The following TUB variants were observed in gnomAD, a reference collection of about 807,000 sequenced individuals.
The protein encoded by TUB is tubby protein homolog.
TUB carries 33 observed loss-of-function variants against 59.7 expected under a neutral mutation model. That is an observed-to-expected ratio of 0.55 (90% CI 0.42 to 0.74). The LOEUF (loss-of-function observed/expected upper bound fraction) is 0.74. TUB is among the 30% of genes least tolerant of loss of function. The probability of loss-of-function intolerance (pLI) is 0.00; values close to 1 mark genes in which losing one functional copy is unlikely to be tolerated. For missense variants in TUB, 659 were observed against 672.0 expected (o/e 0.98, Z 0.21); for synonymous variants, 293 against 256.4 (o/e 1.14, Z -1.36).
chr11:8,081,016 T>A (rs1276672881), upstream of TUB, among the ~76,000 whole-genome samples: 1 of 152,080 alleles, frequency 6.6e-6, no homozygotes, highest in Non-Finnish European at 1.5e-5. Flanking sequence ...GCCTGGGGAC[T>A]GGCCCGGCTG....
upstream of TUB, among the ~76,000 whole-genome samples, chr11:8,078,247 G>A (rs77025555): frequency 0.02 from 3,039 of 152,084 alleles, 41 homozygotes; most frequent in South Asian, 0.082. Context: ...TCATCACCAC[G>A]TTTGAAAATG....
intron 1 of TUB, among the ~76,000 whole-genome samples, chr11:8,086,811 G>C (rs1943677552): frequency 6.6e-6 from 1 of 152,160 alleles, no homozygotes; most frequent in Admixed American, 6.5e-5. Flanking sequence ...GAGGTGGTAG[G>C]TGGCTCTCTA....
intron 1 of TUB, among the ~76,000 whole-genome samples, chr11:8,083,714 T>G (rs888146282): frequency 6.6e-6 from 1 of 151,826 alleles, no homozygotes; most frequent in Admixed American, 6.6e-5. Flanking sequence ...AACACCCTTA[T>G]AGCCCTGCAC....
chr11:8,082,238 A>G (rs762117159), intron 1 of TUB, among the ~76,000 whole-genome samples: 1 of 152,228 alleles, frequency 6.6e-6, no homozygotes, highest in Admixed American at 6.5e-5. Flanking sequence ...CTCACAGTAC[A>G]TAGAACTGCC....
At chr11:8,055,445 C>G (rs960754976) in intron 2 of TUB, among the ~76,000 whole-genome samples, 19 of 152,216 alleles carry the variant, frequency 1.2e-4, no homozygotes, top group African/African-American at 3.9e-4. Flanking sequence ...CTGGGACCAC[C>G]TAGACAGATG....
At chr11:8,081,819 G>A (rs1943571453) in intron 1 of TUB, among the ~76,000 whole-genome samples, 1 of 152,190 alleles carries the variant, frequency 6.6e-6, no homozygotes, top group South Asian at 2.1e-4. Context: ...GGCCGCCTGG[G>A]GAAGGAGTCC....
intron 2 of TUB, among the ~76,000 whole-genome samples, chr11:8,045,285 A>G (rs1006677821): frequency 1.3e-5 from 2 of 152,144 alleles, no homozygotes; most frequent in Admixed American, 1.3e-4. Context: ...AAGAATTTCC[A>G]AGGGTTTTAG....
In TUB at chr11:8,090,161, C is replaced by T. The variant is rs372714469; in HGVS notation, c.183C>T (p.Ala61=). Residue 61 remains alanine (A), a synonymous_variant, in exon 3 of 12, where the codon GCC becomes GCT. Coordinates refer to ENST00000299506, the MANE Select transcript of TUB (RefSeq NM_177972.3). The part of the protein sequence containing the change: ...NADGRPRSRR[A]RQSEEQAPLV... ...ATGGGCGGCCCCGGAGCCGGCGGGC[C>T]CGGCAGTCAGAGGAACAAGCCCCCC... The T allele has an allele frequency of 5.6e-6, 9 of 1,613,494 alleles. No homozygotes were observed. The highest frequency in any genetic ancestry group is 1.1e-5 in the South Asian group (1 of 91,082).
In TUB at chr11:8,039,075, G is replaced by A. The variant is rs368783671; in HGVS notation, c.155+47G>A. On this transcript the variant is annotated intron_variant, in intron 1 of 12. Transcript: ENST00000305253. ...TTTAGCCCATGGGCCCAACCATTGC[G>A]TCAGCTCCACCCACCCACCCTCACT... 65 of 1,595,866 alleles carry A rather than the reference G, an allele frequency of 4.1e-5. No homozygotes were observed. In the East Asian group the frequency reaches 7.8e-4, roughly 19 times the overall value.
intron 1 of TUB, among the ~76,000 whole-genome samples, chr11:8,024,543 ATCT>A (rs1942475130): frequency 6.6e-6 from 1 of 152,096 alleles, no homozygotes; most frequent in Non-Finnish European, 1.5e-5. Flanking sequence ...ATCAGGCATC[ATCT>A]TCTGTCACGT....
intron 2 of TUB, among the ~76,000 whole-genome samples, chr11:8,054,831 C>A (rs1223224689): frequency 5.9e-5 from 9 of 152,228 alleles, no homozygotes; most frequent in Non-Finnish European, 1.3e-4. Flanking sequence ...CATGGCACAT[C>A]TGGCTAAAGG....
upstream of TUB, chr11:8,038,504 G>A: frequency 1.6e-6 from 1 of 632,818 alleles, no homozygotes; most frequent in Admixed American, 5.6e-5. Context: ...TCCAGATGGG[G>A]CCTTTGTCCG....
chr11:8,079,783 G>C (rs1943510978), upstream of TUB, among the ~76,000 whole-genome samples: 1 of 152,060 alleles, frequency 6.6e-6, no homozygotes, highest in South Asian at 2.1e-4. Flanking sequence ...TGTAGACCCA[G>C]ACCTTTTGTG....
chr11:8,090,587 G>C (rs902210314), intron 3 of TUB, among the ~76,000 whole-genome samples: 3 of 152,210 alleles, frequency 2.0e-5, no homozygotes, highest in Admixed American at 2.0e-4. Context: ...CATTCTGAGA[G>C]GAATCCGTCT....
At chr11:8,038,949 A>G in exon 1 of TUB, 3 of 1,613,678 alleles carry the variant, frequency 1.9e-6, no homozygotes, top group Non-Finnish European at 2.5e-6. Flanking sequence ...CCCAGGAGGC[A>G]CTCCCTGGCC....
intron 1 of TUB, among the ~76,000 whole-genome samples, chr11:8,020,759 C>T (rs1411195053): frequency 1.3e-5 from 2 of 152,164 alleles, no homozygotes; most frequent in Admixed American, 6.5e-5. Flanking sequence ...GTGCTCTCCA[C>T]GGAGAAGAAC....
intron 2 of TUB, among the ~76,000 whole-genome samples, chr11:8,045,904 G>A (rs2141322): frequency 0.74 from 111,817 of 151,862 alleles, 42,224 homozygotes; most frequent in East Asian, 0.97. Flanking sequence ...TCGGACTGGT[G>A]GGAACACAGA....
At chr11:8,096,531 G>T (rs1262930736) in intron 5 of TUB, among the ~76,000 whole-genome samples, 154 bp from the exon 6 acceptor site, 1 of 152,196 alleles carries the variant, frequency 6.6e-6, no homozygotes, top group East Asian at 1.9e-4. Flanking sequence ...GTGTGAATGG[G>T]AGTCTATATG....
In TUB at chr11:8,090,154, G is replaced by A. The variant is rs544601452; in HGVS notation, c.176G>A (p.Arg59Gln). ...QANADGRPRS[R>Q]RARQSEEQAP... Reference sequence around the variant, plus strand: ...AATGCAGATGGGCGGCCCCGGAGCCGGCGGGCCCGGCAGTCAGAGGAACAA... The same window carrying A: ...AATGCAGATGGGCGGCCCCGGAGCCAGCGGGCCCGGCAGTCAGAGGAACAA... Residue 59 changes from arginine to glutamine, a missense_variant, in exon 3 of 12, where the codon CGG becomes CAG. Arg to Gln is a conservative substitution (Grantham distance 43). This residue lies in a region of TUB where 321 missense variants were observed against 304.3 expected (regional missense o/e 1.05). Coordinates refer to ENST00000299506, the MANE Select transcript of TUB (RefSeq NM_177972.3). 20 of 1,613,504 alleles carry A rather than the reference G, an allele frequency of 1.2e-5. No individual in the cohort carries two copies. Among genetic ancestry groups the A allele is most frequent in the South Asian group, 1.1e-4 (10 of 91,078 alleles).
Sources: gnomAD v4.1 joint callset for allele counts (sites outside exome capture counted in the v4.1 genomes callset) on GRCh38, gnomAD v4.1.1 for gene constraint, gnomAD v4.1.1 regional missense constraint, MANE v1.5 for transcripts, NCBI Gene and HGNC (gene_info 2026-07-23, HGNC 2026-07-21) for gene names.